Variants in NRG3 observed in about 807,000 individuals in gnomAD.
The protein encoded by NRG3 is pro-neuregulin-3, membrane-bound isoform.
In NRG3, 31 loss-of-function variants were observed where a neutral mutation model predicts 66.9. The observed-to-expected ratio is 0.46, with a 90% CI of 0.35 to 0.63. NRG3 has a LOEUF of 0.63. Ranked by LOEUF, NRG3 falls within the 20% of genes least tolerant of loss-of-function variation. NRG3 has a pLI of 0.00. For missense variants in NRG3, 910 were observed against 878.9 expected (o/e 1.04, Z -0.45); for synonymous variants, 393 against 359.4 (o/e 1.09, Z -1.06).
chr10:82,099,195 T>A (rs1003648900), intron 1 of NRG3, among the ~76,000 whole-genome samples: 1 of 152,070 alleles, frequency 6.6e-6, no homozygotes, highest in Non-Finnish European at 1.5e-5. Flanking sequence ...ATGAAGATTT[T>A]CTCTTTTTTC....
At chr10:82,213,975 C>T (rs1156343968) in intron 1 of NRG3, among the ~76,000 whole-genome samples, 1 of 152,150 alleles carries the variant, frequency 6.6e-6, no homozygotes, top group African/African-American at 2.4e-5. Context: ...GGCTCTTTCT[C>T]TTTGGCTAGA....
chr10:82,425,958 C>A (rs977949593), intron 2 of NRG3, among the ~76,000 whole-genome samples: 17 of 152,150 alleles, frequency 1.1e-4, no homozygotes, highest in African/African-American at 4.1e-4. Context: ...AGATCTGAAC[C>A]TTTTAGTGAA....
At chr10:82,535,541 A>C (rs995412363) in intron 2 of NRG3, among the ~76,000 whole-genome samples, 1 of 152,168 alleles carries the variant, frequency 6.6e-6, no homozygotes, top group East Asian at 1.9e-4. Flanking sequence ...GAGTTGTCCA[A>C]ATAAATTTAG....
At chr10:82,742,702 C>T (rs1391349483) in intron 3 of NRG3, among the ~76,000 whole-genome samples, 1 of 152,078 alleles carries the variant, frequency 6.6e-6, no homozygotes, top group East Asian at 1.9e-4. Flanking sequence ...CATATTTCTG[C>T]CTCCTGCCTC....
intron 2 of NRG3, among the ~76,000 whole-genome samples, chr10:82,732,751 A>T (rs560624751): frequency 1.2e-4 from 19 of 152,334 alleles, no homozygotes; most frequent in South Asian, 1.0e-3. Flanking sequence ...GAGGCACAAA[A>T]AGGCAGAGCA....
At chr10:82,236,023 TAC>T (rs140576608) in intron 1 of NRG3, among the ~76,000 whole-genome samples, 2 of 151,382 alleles carry the variant, frequency 1.3e-5, no homozygotes, top group African/African-American at 4.9e-5. Flanking sequence ...CACACATACA[TAC>T]ACACACACAC....
intron 2 of NRG3, among the ~76,000 whole-genome samples, chr10:82,525,186 C>T (rs1846576672): frequency 6.6e-6 from 1 of 151,580 alleles, no homozygotes; most frequent in Non-Finnish European, 1.5e-5. Context: ...ATTATCATTA[C>T]AAAACTGATG....
Position 82,912,028 on chromosome 10 carries a change from G to T in NRG3, c.1055-39441G>T, listed in dbSNP as rs190870767. Among the ~76,000 whole-genome samples the T allele has an allele frequency of 5.3e-5, 8 of 152,004 alleles. No homozygotes were observed. In the East Asian group the frequency reaches 1.5e-3, roughly 29 times the overall value. On this transcript the variant is annotated intron_variant, in intron 4 of 8. Coordinates refer to ENST00000372141, the MANE Select transcript of NRG3 (RefSeq NM_001010848.4). ...CTTATTTATATTTTAATCCCATAATGATCTGAGAGAATACTTTGTATGATT... is the reference window on the plus strand; with the variant it reads ...CTTATTTATATTTTAATCCCATAATTATCTGAGAGAATACTTTGTATGATT...
chr10:82,653,271 A>G (rs550438718), intron 2 of NRG3, among the ~76,000 whole-genome samples: 1 of 152,236 alleles, frequency 6.6e-6, no homozygotes, highest in East Asian at 1.9e-4. Flanking sequence ...CAGAAGTTGC[A>G]TATTTACAAA....
intron 2 of NRG3, among the ~76,000 whole-genome samples, chr10:82,605,087 G>T (rs2047880440): frequency 6.6e-6 from 1 of 152,024 alleles, no homozygotes; most frequent in Non-Finnish European, 1.5e-5. Context: ...TGGAGTAGGA[G>T]TGGTGAAAGC....
chr10:82,692,988 C>T (rs368917030), intron 2 of NRG3, among the ~76,000 whole-genome samples: 57 of 152,188 alleles, frequency 3.7e-4, no homozygotes, highest in African/African-American at 1.3e-3. Flanking sequence ...ATAGATGGGC[C>T]GCCCCTCAAC....
At chr10:82,174,245 A>G (rs2072860158) in intron 1 of NRG3, among the ~76,000 whole-genome samples, 2 of 151,980 alleles carry the variant, frequency 1.3e-5, no homozygotes, top group South Asian at 2.1e-4. Context: ...GTTCTTTTCA[A>G]CCTTGAGTAA....
Position 82,075,349 on chromosome 10 carries a change from A to G in NRG3, c.823+199186A>G, listed in dbSNP as rs1020358811. On this transcript the variant is annotated intron_variant, in intron 1 of 8. Transcript: ENST00000372141. ...TTGTAGATTTTGATGGATACATTTT[A>G]TACATTTTTGGTTTTGTGATCATTT... 2.6e-5 allele frequency among the ~76,000 whole-genome samples: 4 copies of G among 152,210 alleles called. No individual in the cohort carries two copies. The East Asian group carries it at 7.7e-4, about 29-fold the overall frequency.
chr10:81,904,236 C>G (rs982657282), intron 1 of NRG3, among the ~76,000 whole-genome samples: 2 of 152,022 alleles, frequency 1.3e-5, no homozygotes, highest in Non-Finnish European at 2.9e-5. Flanking sequence ...TTTTGAACTC[C>G]TGACCTCAAG....
At chr10:82,957,814 G>GC (rs1207127745) in intron 5 of NRG3, among the ~76,000 whole-genome samples, 1 of 151,948 alleles carries the variant, frequency 6.6e-6, no homozygotes, top group Non-Finnish European at 1.5e-5. Context: ...TATTCCCATT[G>GC]CAACACTTAT....
chr10:82,263,391 T>C (rs2078132890), intron 1 of NRG3, among the ~76,000 whole-genome samples: 2 of 152,190 alleles, frequency 1.3e-5, no homozygotes, highest in African/African-American at 4.8e-5. Context: ...CTTTTAAGTT[T>C]TCTATTGAAC....
At chr10:82,146,322 G>A (rs947919667) in intron 1 of NRG3, among the ~76,000 whole-genome samples, 2 of 152,062 alleles carry the variant, frequency 1.3e-5, no homozygotes. Context: ...TGTCGTTTGG[G>A]TTGTCTGGGA....
chr10:82,150,312 C>T (rs907155299), intron 1 of NRG3, among the ~76,000 whole-genome samples: 3 of 152,006 alleles, frequency 2.0e-5, no homozygotes, highest in African/African-American at 7.2e-5. Context: ...CTGGTGGGGG[C>T]GCTCCTGCCC....
chr10:82,724,008 T>TAAAAAA (rs1565242500), intron 2 of NRG3, among the ~76,000 whole-genome samples: 72 of 144,056 alleles, frequency 5.0e-4, no homozygotes, highest in African/African-American at 1.9e-3. Context: ...AAAAAAAATT[T>TAAAAAA]AAAAAATAAA....
Sources: allele counts gnomAD v4.1 joint callset (sites outside exome capture counted in the v4.1 genomes callset), GRCh38; gene constraint gnomAD v4.1.1; transcripts MANE v1.5; gene names NCBI Gene and HGNC (gene_info 2026-07-23, HGNC 2026-07-21).